Variants in ERC2 observed in about 807,000 individuals in gnomAD.
ERC2 encodes ERC protein 2.
A neutral mutation model predicts 114.8 loss-of-function variants in ERC2; 42 were observed. That is an observed-to-expected ratio of 0.37 (90% CI 0.29 to 0.47). ERC2 has a LOEUF of 0.47. ERC2 is among the 20% of genes least tolerant of loss of function. The pLI is 0.99. For synonymous variants in ERC2, 454 were observed against 425.5 expected (o/e 1.07, Z -0.82); for missense variants, 939 against 1,150.7 (o/e 0.82, Z 2.66).
At chr3:55,675,990 T>C (rs2061791103) in intron 17 of ERC2, among the ~76,000 whole-genome samples, 1 of 136,044 alleles carries the variant, frequency 7.4e-6, no homozygotes, top group African/African-American at 2.7e-5. Flanking sequence ...GCACGGTCTC[T>C]GCTCACTGCA....
chr3:56,219,469 C>A (rs2049749193), intron 3 of ERC2, among the ~76,000 whole-genome samples: 1 of 151,910 alleles, frequency 6.6e-6, no homozygotes, highest in Non-Finnish European at 1.5e-5. Flanking sequence ...TAGTGGTGAA[C>A]AAAACCAATA....
Position 56,201,872 on chromosome 3 carries a change from C to A in ERC2, c.1075-28352G>T, listed in dbSNP as rs79955565. On this transcript the variant is annotated intron_variant, in intron 3 of 17. Coordinates refer to ENST00000288221, the MANE Select transcript of ERC2 (RefSeq NM_015576.3). ...GAGCAACATCTTACTATGTTTCCAG[C>A]GAATTCTTCTTTCCTTCTGGAAGCC... Among the ~76,000 whole-genome samples, 705 of 152,294 alleles carry A rather than the reference C, an allele frequency of 4.6e-3. 9 individuals are homozygous for A. The highest frequency in any genetic ancestry group is 0.016 in the African/African-American group (649 of 41,560).
At chr3:55,883,131 T>A (rs929372593) in intron 14 of ERC2, among the ~76,000 whole-genome samples, 14 of 152,372 alleles carry the variant, frequency 9.2e-5, no homozygotes, top group East Asian at 5.8e-4. Flanking sequence ...ATACATTTTT[T>A]AACTAATTCA....
In ERC2 at chr3:55,767,228, T is replaced by C. The variant is rs569194249; in HGVS notation, c.2565-32310A>G. Among the ~76,000 whole-genome samples, 31 of 152,348 alleles carry C rather than the reference T, an allele frequency of 2.0e-4. 1 individual carries two copies. The highest frequency in any genetic ancestry group is 1.6e-3 in the Admixed American group (24 of 15,312). On this transcript the variant is annotated intron_variant, in intron 14 of 17. Coordinates refer to ENST00000288221, the MANE Select transcript of ERC2 (RefSeq NM_015576.3). ...GTTCCAGTGGCATAATTAGTTAGCATGCAGTGCTTATAAAATGTAAATTGC... is the reference window on the plus strand; with the variant it reads ...GTTCCAGTGGCATAATTAGTTAGCACGCAGTGCTTATAAAATGTAAATTGC...
chr3:56,380,614 T>C (rs1034398224), intron 2 of ERC2, among the ~76,000 whole-genome samples: 4 of 152,214 alleles, frequency 2.6e-5, no homozygotes, highest in African/African-American at 9.6e-5. Context: ...TACATACTTA[T>C]GGAGAACGAG....
chr3:55,591,609 G>GCA (rs2057894233), intron 17 of ERC2, among the ~76,000 whole-genome samples: 1 of 151,940 alleles, frequency 6.6e-6, no homozygotes, highest in South Asian at 2.1e-4. Flanking sequence ...GTGCGCGCGC[G>GCA]TGTGGTTTTG....
intron 2 of ERC2, among the ~76,000 whole-genome samples, chr3:56,383,811 A>G (rs555502342): frequency 2.6e-5 from 4 of 152,166 alleles, no homozygotes; most frequent in Admixed American, 2.6e-4. Flanking sequence ...CATCTTCCCA[A>G]ACTGAAGCTC....
At chr3:55,607,614 G>GTTTT (rs367596448) in intron 17 of ERC2, among the ~76,000 whole-genome samples, 2 of 132,324 alleles carry the variant, frequency 1.5e-5, no homozygotes, top group Admixed American at 7.7e-5. Context: ...AAAATAGTGT[G>GTTTT]TTTTTTTTTT....
In ERC2 at chr3:55,509,747, T is replaced by C. The variant is rs1358672029; in HGVS notation, c.*1569A>G. On this transcript the variant is annotated 3_prime_UTR_variant, in exon 18 of 18. Coordinates refer to ENST00000288221, the MANE Select transcript of ERC2 (RefSeq NM_015576.3). ...AGGTCCAGAGTTAATTGCACCAACA[T>C]TTTAAAAAGTAATAATAATGACTAA... 1 of 152,578 alleles carries C rather than the reference T, an allele frequency of 6.6e-6. No homozygotes were observed. Among genetic ancestry groups the C allele is most frequent in the Non-Finnish European group, 1.5e-5 (1 of 68,030 alleles). 9.5% of individuals were successfully genotyped at this position (152,578 alleles called of 1,614,324 possible). A position where few individuals can be genotyped will look rare whatever the true frequency, so the allele number is the denominator to read the frequency against.
chr3:56,127,589 G>A (rs1051014257), intron 6 of ERC2, among the ~76,000 whole-genome samples: 22 of 152,030 alleles, frequency 1.4e-4, no homozygotes, highest in Admixed American at 1.4e-3. Context: ...TGGGCACGGT[G>A]GCAGATGCCT....
intron 14 of ERC2, among the ~76,000 whole-genome samples, chr3:55,776,649 G>GA: frequency 6.6e-6 from 1 of 152,298 alleles, no homozygotes; most frequent in Non-Finnish European, 1.5e-5. Context: ...CTAGACCTGG[G>GA]TTGAAATATT....
intron 6 of ERC2, among the ~76,000 whole-genome samples, chr3:56,133,222 C>T (rs1309783319): frequency 6.6e-6 from 1 of 152,110 alleles, no homozygotes; most frequent in East Asian, 1.9e-4. Flanking sequence ...CAAATTGCTT[C>T]AGCCCAGGAG....
chr3:55,673,632 C>T (rs1007076293), intron 17 of ERC2, among the ~76,000 whole-genome samples: 1 of 151,994 alleles, frequency 6.6e-6, no homozygotes, highest in Non-Finnish European at 1.5e-5. Context: ...TCTTCGATAA[C>T]ATGATTTTTA....
chr3:56,372,949 C>A (rs182351305), intron 2 of ERC2, among the ~76,000 whole-genome samples: 1 of 152,266 alleles, frequency 6.6e-6, no homozygotes, highest in East Asian at 1.9e-4. Flanking sequence ...AGAAATGTAT[C>A]ATTATTCAGC....
At chr3:56,416,949 C>T (rs1291555539) in intron 2 of ERC2, among the ~76,000 whole-genome samples, 4 of 152,266 alleles carry the variant, frequency 2.6e-5, no homozygotes, top group East Asian at 1.9e-4. Context: ...ATCTAAAGGC[C>T]GGTGCAGAGA....
intron 17 of ERC2, among the ~76,000 whole-genome samples, chr3:55,670,861 T>C (rs952715054): frequency 6.6e-6 from 1 of 152,198 alleles, no homozygotes; most frequent in African/African-American, 2.4e-5. Context: ...GAATATTTTG[T>C]GACACATGGA....
At chr3:55,899,885 T>C (rs761449162) in intron 13 of ERC2, among the ~76,000 whole-genome samples, 2 of 152,212 alleles carry the variant, frequency 1.3e-5, no homozygotes, top group Non-Finnish European at 2.9e-5. Flanking sequence ...TAAACCAATT[T>C]CAACTAAGAA....
chr3:55,631,101 G>A (rs2059738912), intron 17 of ERC2, among the ~76,000 whole-genome samples: 1 of 152,186 alleles, frequency 6.6e-6, no homozygotes, highest in Non-Finnish European at 1.5e-5. Context: ...TTGTCTCATG[G>A]TGGTTTAGTT....
At chr3:56,106,369 C>A (rs1013105193) in intron 6 of ERC2, among the ~76,000 whole-genome samples, 1 of 152,160 alleles carries the variant, frequency 6.6e-6, no homozygotes, top group African/African-American at 2.4e-5. Flanking sequence ...ATTAGAGCTC[C>A]CTTCGTGGAG....
Sources: gnomAD v4.1 joint callset for allele counts (sites outside exome capture counted in the v4.1 genomes callset) on GRCh38, gnomAD v4.1.1 for gene constraint, MANE v1.5 for transcripts, NCBI Gene and HGNC (gene_info 2026-07-23, HGNC 2026-07-21) for gene names.